SBF2: variants seen among roughly 807,000 people sequenced by gnomAD.
The protein encoded by SBF2 is myotubularin-related protein 13.
SBF2 carries 112 observed loss-of-function variants against 225.2 expected under a neutral mutation model. The observed-to-expected ratio is 0.50, with a 90% CI of 0.43 to 0.58. The LOEUF is 0.58. SBF2 is among the 20% of genes least tolerant of loss of function. The pLI, the probability that SBF2 is intolerant of heterozygous loss-of-function variation, is 0.00. For synonymous variants in SBF2, 763 were observed against 773.3 expected, an observed-to-expected ratio of 0.99 and a Z score of 0.22; for missense variants, 1,996 against 2,206.2, an observed-to-expected ratio of 0.90 and a Z score of 1.91.
At chr11:10,045,964 G>GA (rs530495597) in intron 2 of SBF2, among the ~76,000 whole-genome samples, 43 of 147,458 alleles carry the variant, frequency 2.9e-4, no homozygotes, top group African/African-American at 7.5e-4. Flanking sequence ...AAAAATATTT[G>GA]AAAAAAAAAG....
chr11:10,115,220 T>C (rs1953075596), intron 2 of SBF2, among the ~76,000 whole-genome samples: 1 of 152,238 alleles, frequency 6.6e-6, no homozygotes, highest in African/African-American at 2.4e-5. Context: ...ACCAGATATG[T>C]ATACTACTAT....
rs754650675 is a variant in SBF2, at chr11:9,850,036, G to A, written c.2793C>T (p.Pro931=). ...ATCGAGTCATACCTAACTGATCATG[G>A]GGTGTTCCTCTGAAGAGAATTCTGT... ...TTYRILFRGT[P]HDQLVGEQTV... is the part of the protein sequence containing the mutation. The change falls in exon 22 of 40, where the codon CCC becomes CCT. Residue 931 remains proline (P), a synonymous_variant. Coordinates refer to ENST00000256190, the MANE Select transcript of SBF2 (RefSeq NM_030962.4). 1.2e-6 allele frequency: 2 copies of A among 1,613,932 alleles called. No individual in the cohort carries two copies. The highest frequency in any genetic ancestry group is 8.5e-7 in the Non-Finnish European group (1 of 1,179,904).
chr11:9,994,015 T>G lies in SBF2; in HGVS notation c.976-17A>C. 1 of 1,187,376 alleles carries G rather than the reference T, an allele frequency of 8.4e-7. No homozygotes were observed. The highest frequency in any genetic ancestry group is 1.3e-6 in the Non-Finnish European group (1 of 790,950). The allele number at this position is 1,187,376 out of a possible 1,614,324, so 73.6% of individuals were successfully genotyped here. A position where few individuals can be genotyped will look rare whatever the true frequency, so the allele number is the denominator to read the frequency against. On this transcript the variant is annotated splice_polypyrimidine_tract_variant and intron_variant, in intron 9 of 39. Coordinates refer to ENST00000256190, the MANE Select transcript of SBF2 (RefSeq NM_030962.4). ...GTGTAAAATCTAAAGCAAAAAAGTT[T>G]TGTTATGTAAAATATCATAATATCA...
intron 2 of SBF2, among the ~76,000 whole-genome samples, chr11:10,179,348 A>C (rs1194738180): frequency 6.6e-6 from 1 of 151,822 alleles, no homozygotes; most frequent in Non-Finnish European, 1.5e-5. Flanking sequence ...GTATAATAAT[A>C]ATAAATTAAA....
upstream of SBF2, among the ~76,000 whole-genome samples, chr11:10,298,373 A>G (rs1237281201): frequency 7.2e-5 from 11 of 152,356 alleles, no homozygotes; most frequent in South Asian, 2.1e-3. Context: ...CCTGGGCAAC[A>G]AGAGTGAAAC....
chr11:10,193,241 GA>G (rs146676336), intron 2 of SBF2, among the ~76,000 whole-genome samples: 14,374 of 144,602 alleles, frequency 0.099, 922 homozygotes, highest in East Asian at 0.29. Flanking sequence ...ACATTTTCAG[GA>G]AAAAAAAAAT....
At chr11:10,249,371 G>C (rs1018088306) in intron 1 of SBF2, among the ~76,000 whole-genome samples, 3 of 152,112 alleles carry the variant, frequency 2.0e-5, no homozygotes, top group African/African-American at 7.2e-5. Context: ...TAATGTAAGA[G>C]TGAAATATGG....
chr11:10,174,354 CG>C (rs1378463973), intron 2 of SBF2, among the ~76,000 whole-genome samples: 1 of 152,022 alleles, frequency 6.6e-6, no homozygotes, highest in African/African-American at 2.4e-5. Flanking sequence ...TCGAGAACTA[CG>C]TGAAGAATGC....
At chr11:10,184,917 G>A (rs1956873147) in intron 2 of SBF2, among the ~76,000 whole-genome samples, 1 of 152,024 alleles carries the variant, frequency 6.6e-6, no homozygotes, top group South Asian at 2.1e-4. Context: ...TAGTAGAGAC[G>A]GGGTTTCACC....
In SBF2 at chr11:10,026,572, C is replaced by A. The variant is rs541177096; in HGVS notation, c.619+1880G>T. ...ATGGCGAGACCCTGTCTCTATAAAA[C>A]AAAAAAATTAAAAAAATTAACTGGG... On this transcript the variant is annotated intron_variant, in intron 6 of 39. Transcript: ENST00000256190. 6.1e-4 allele frequency among the ~76,000 whole-genome samples: 92 copies of A among 151,916 alleles called. 1 individual carries two copies. In the South Asian group the frequency reaches 0.018, roughly 30 times the overall value.
intron 17 of SBF2, among the ~76,000 whole-genome samples, chr11:9,884,427 T>C (rs889430062): frequency 2.6e-5 from 4 of 152,200 alleles, no homozygotes; most frequent in African/African-American, 4.8e-5. Flanking sequence ...AAATCTTACA[T>C]ATAAGTTCAA....
chr11:9,819,369 T>C (rs750876495), intron 28 of SBF2: 3 of 152,126 alleles, frequency 2.0e-5, no homozygotes, highest in South Asian at 2.1e-4. Context: ...TCAGAGCAGA[T>C]TGAGTAAGAG....
chr11:10,061,863 A>C lies in SBF2; in HGVS notation c.142-18882T>G, dbSNP rs2134757489. ...ACTATTTTAAAATTTATATGGAACC[A>C]AAAAAGAGTCTGTATAGCCAAGGCA... On this transcript the variant is annotated intron_variant, in intron 2 of 39. Transcript: ENST00000256190. 2.0e-5 allele frequency among the ~76,000 whole-genome samples: 3 copies of C among 152,320 alleles called. 1 individual carries two copies. The Middle Eastern group carries it at 0.01, about 518-fold the overall frequency.
At chr11:10,096,175 T>A (rs1012999954) in intron 2 of SBF2, among the ~76,000 whole-genome samples, 1 of 152,142 alleles carries the variant, frequency 6.6e-6, no homozygotes, top group African/African-American at 2.4e-5. Flanking sequence ...AAATAGATGC[T>A]AGAGGTTTCC....
At chr11:10,285,301 C>G (rs756767998) in intron 1 of SBF2, among the ~76,000 whole-genome samples, 1 of 143,542 alleles carries the variant, frequency 7.0e-6, no homozygotes, top group African/African-American at 2.6e-5. Context: ...CAGAGTGAGA[C>G]GAAAGGAAAG....
At chr11:10,044,390 G>C (rs2134686758) in intron 2 of SBF2, 1 of 154,804 alleles carries the variant, frequency 6.5e-6, no homozygotes, top group African/African-American at 2.4e-5. Flanking sequence ...TTTATCCCAT[G>C]TAAATGGCAA....
chr11:9,851,186 T>C (rs193072013), intron 21 of SBF2, among the ~76,000 whole-genome samples: 224 of 150,910 alleles, frequency 1.5e-3, no homozygotes, highest in African/African-American at 5.2e-3. Flanking sequence ...ATAGATTAGT[T>C]AAAAAAGCAA....
intron 13 of SBF2, among the ~76,000 whole-genome samples, chr11:9,985,978 C>T (rs1364837570): frequency 6.6e-6 from 1 of 152,126 alleles, no homozygotes; most frequent in Non-Finnish European, 1.5e-5. Context: ...CCACAGAATA[C>T]CCATTCTATT....
intron 26 of SBF2, among the ~76,000 whole-genome samples, chr11:9,837,255 C>G (rs1045507639): frequency 4.6e-5 from 7 of 152,200 alleles, no homozygotes; most frequent in Non-Finnish European, 7.4e-5. Flanking sequence ...GAGCTACCCA[C>G]TGTTCCACTG....
Sources: allele counts gnomAD v4.1 joint callset (sites outside exome capture counted in the v4.1 genomes callset), GRCh38; gene constraint gnomAD v4.1.1; transcripts MANE v1.5; gene names NCBI Gene and HGNC (gene_info 2026-07-23, HGNC 2026-07-21).